The following SQSTM1 variants were observed in gnomAD, a reference collection of about 807,000 sequenced individuals.
SQSTM1 encodes sequestosome 1.
A neutral mutation model predicts 45.1 loss-of-function variants in SQSTM1; 36 were observed. The ratio of observed to expected loss-of-function variants is 0.80; its 90% CI spans 0.61 to 1.05. The LOEUF (loss-of-function observed/expected upper bound fraction) is 1.05, where lower values mean the gene tolerates loss of function less well. SQSTM1 is among the 50% of genes least tolerant of loss of function. The pLI, the probability that SQSTM1 is intolerant of heterozygous loss-of-function variation, is 0.00. For synonymous variants in SQSTM1, 290 were observed against 244.3 expected, an observed-to-expected ratio of 1.19 and a Z score of -1.74; for missense variants, 617 against 607.1, an observed-to-expected ratio of 1.02 and a Z score of -0.17.
At chr5:179,833,350 C>T (rs778470019) in intron 6 of SQSTM1, 104 bp downstream of exon 6, 38 of 1,172,638 alleles carry the variant, frequency 3.2e-5, no homozygotes, top group Admixed American at 6.0e-5. Flanking sequence ...CACTTACAAA[C>T]CCGAGGGAGC....
At chr5:179,818,845 T>G (rs1279278723), upstream of SQSTM1, 1 of 152,234 alleles carries the variant, frequency 6.6e-6, no homozygotes, top group Non-Finnish European at 1.5e-5. Context: ...TCCCTGGGCA[T>G]GCACGCCGGG....
chr5:179,836,165 G>A (rs921211326), intron 7 of SQSTM1: 2 of 570,432 alleles, frequency 3.5e-6, no homozygotes, highest in African/African-American at 3.7e-5. Flanking sequence ...GATGTGACAG[G>A]TGAAATGCCT....
chr5:179,834,405 A>ATTTT (rs1202476955), intron 7 of SQSTM1, among the ~76,000 whole-genome samples: 9 of 88,994 alleles, frequency 1.0e-4, no homozygotes, highest in East Asian at 8.8e-4. Flanking sequence ...AGTAGTTCTT[A>ATTTT]TTTTTGTTTA....
chr5:179,809,716 T>C (rs1355640133), intron 1 of SQSTM1, among the ~76,000 whole-genome samples: 1 of 144,222 alleles, frequency 6.9e-6, no homozygotes, highest in Non-Finnish European at 1.5e-5. Context: ...TGATCTGGGC[T>C]CACTGCAACC....
chr5:179,837,749 G>A lies in SQSTM1; in HGVS notation c.*1156G>A. ...GACAAATTGCGCCCATTTAGAGGATGTGGCTGTAACCTGCTGGATGGGACT... is the reference window on the plus strand; with the variant it reads ...GACAAATTGCGCCCATTTAGAGGATATGGCTGTAACCTGCTGGATGGGACT... On this transcript the variant is annotated 3_prime_UTR_variant, in exon 8 of 8. Coordinates refer to ENST00000389805, the MANE Select transcript of SQSTM1 (RefSeq NM_003900.5). The A allele has an allele frequency of 2.5e-6, 4 of 1,614,256 alleles. No individual in the cohort carries two copies. The highest frequency in any genetic ancestry group is 1.7e-6 in the Non-Finnish European group (2 of 1,180,042).
intron 1 of SQSTM1, among the ~76,000 whole-genome samples, chr5:179,810,088 A>AT (rs534873324): frequency 6.6e-5 from 10 of 151,614 alleles, no homozygotes; most frequent in African/African-American, 1.5e-4. Context: ...CGGGCCAACA[A>AT]TTTTTTTTTA....
chr5:179,815,816 C>G (rs1025161328), upstream of SQSTM1, among the ~76,000 whole-genome samples: 1 of 152,128 alleles, frequency 6.6e-6, no homozygotes, highest in African/African-American at 2.4e-5. Flanking sequence ...CAGATGACCC[C>G]ACGCCTTCTG....
chr5:179,817,436 G>A (rs567408450), upstream of SQSTM1, among the ~76,000 whole-genome samples: 50 of 152,302 alleles, frequency 3.3e-4, no homozygotes, highest in Middle Eastern at 0.014. Flanking sequence ...GAGGGCCCAG[G>A]GTCTCGCCCC....
At chr5:179,828,878 G>T (rs539691404) in intron 5 of SQSTM1, among the ~76,000 whole-genome samples, 1 of 152,342 alleles carries the variant, frequency 6.6e-6, no homozygotes, top group East Asian at 1.9e-4. Context: ...GATGTGATCA[G>T]ATTTTGGAAG....
rs372907317 is a variant in SQSTM1, at chr5:179,832,940, C to T, written c.755-92C>T. The T allele has an allele frequency of 1.5e-4, 191 of 1,285,114 alleles. No homozygotes were observed. In the African/African-American group the frequency reaches 1.8e-3, roughly 12 times the overall value. 79.6% of individuals were successfully genotyped at this position (1,285,114 alleles called of 1,614,324 possible). A position where few individuals can be genotyped will look rare whatever the true frequency, so the allele number is the denominator to read the frequency against. ...TGTGGGGACTGAACGTTGAGATCTTCGTGAGTCTGTAGTCTCCACAGGCCA... is the reference window on the plus strand; with the variant it reads ...TGTGGGGACTGAACGTTGAGATCTTTGTGAGTCTGTAGTCTCCACAGGCCA... On this transcript the variant is annotated intron_variant, in intron 5 of 7. Coordinates refer to ENST00000389805, the MANE Select transcript of SQSTM1 (RefSeq NM_003900.5).
At position 179,821,865 on chromosome 5, in the gene SQSTM1, G is replaced by C. The variant is rs544939574; in HGVS notation, c.205+724G>C. On this transcript the variant is annotated intron_variant, in intron 1 of 7. Coordinates refer to ENST00000389805, the MANE Select transcript of SQSTM1 (RefSeq NM_003900.5). ...GTTGTGGCCAGGAGGGCGGGAGGTG[G>C]CCAAGGCCGGCCCCTGGGAGGGTGC... Among the ~76,000 whole-genome samples the C allele has an allele frequency of 1.6e-4, 24 of 152,112 alleles. No homozygotes were observed. The South Asian group carries it at 2.3e-3, about 14-fold the overall frequency.
In SQSTM1 at chr5:179,822,762, C is replaced by A. The variant is rs560446195; in HGVS notation, c.206-196C>A. 4 of 660,916 alleles carry A rather than the reference C, an allele frequency of 6.1e-6. No individual in the cohort carries two copies. In the East Asian group the frequency reaches 1.2e-4, roughly 19 times the overall value. 40.9% of individuals were successfully genotyped at this position (660,916 alleles called of 1,614,324 possible). A position where few individuals can be genotyped will look rare whatever the true frequency, so the allele number is the denominator to read the frequency against. ...TGTGGCTGTGGTCCAGGGCCCAGGTCGGAGCACTCACCTTCCAGGAGGTGC... is the reference window on the plus strand; with the variant it reads ...TGTGGCTGTGGTCCAGGGCCCAGGTAGGAGCACTCACCTTCCAGGAGGTGC... On this transcript the variant is annotated intron_variant, in intron 1 of 7. Transcript: ENST00000389805.
intron 7 of SQSTM1, 107 bp from the exon 8 acceptor site, chr5:179,836,329 G>A (rs984943298): frequency 6.7e-7 from 1 of 1,497,668 alleles, no homozygotes; most frequent in Non-Finnish European, 9.3e-7. Context: ...GGCAGGCTCG[G>A]ACACTGGCAG....
intron 5 of SQSTM1, among the ~76,000 whole-genome samples, chr5:179,825,733 C>T (rs974039546): frequency 9.2e-5 from 14 of 152,290 alleles, no homozygotes; most frequent in Admixed American, 6.5e-4. Flanking sequence ...GGGTGACACC[C>T]GGTTCTGGTG....
chr5:179,817,947 A>G (rs1757632849), upstream of SQSTM1, among the ~76,000 whole-genome samples: 1 of 139,152 alleles, frequency 7.2e-6, no homozygotes, highest in Non-Finnish European at 1.5e-5. Flanking sequence ...CCTGGGAGGC[A>G]GAGGTTGCAG....
chr5:179,833,370 T>G (rs1758336513), intron 6 of SQSTM1, 124 bp downstream of exon 6: 2 of 1,060,798 alleles, frequency 1.9e-6, no homozygotes, highest in East Asian at 5.2e-5. Context: ...CTGCTGCTGC[T>G]GCAGTGATGT....
rs1453597031 is a variant in SQSTM1 at position 179,806,937 on chromosome 5, C to G, written c.-157+346C>G. Reference sequence around the variant, plus strand: ...TGGGCTGGGCGGCGAGAGCCGCGGCCCGGCCTGGATCTGGGGCCTGGATCT... The same window carrying G: ...TGGGCTGGGCGGCGAGAGCCGCGGCGCGGCCTGGATCTGGGGCCTGGATCT... On this transcript the variant is annotated intron_variant, in intron 1 of 5. Transcript: ENST00000514093. The surrounding 1 kb of genome is among the most constrained non-coding windows in gnomAD (Gnocchi z 4.6). 6.7e-6 allele frequency: 1 copy of G among 149,934 alleles called. No individual in the cohort carries two copies. Among genetic ancestry groups the G allele is most frequent in the South Asian group, 2.2e-4 (1 of 4,622 alleles). 9.3% of individuals were successfully genotyped at this position (149,934 alleles called of 1,614,324 possible). A position where few individuals can be genotyped will look rare whatever the true frequency, so the allele number is the denominator to read the frequency against.
intron 5 of SQSTM1, among the ~76,000 whole-genome samples, chr5:179,826,545 G>GT (rs1263840870): frequency 6.6e-6 from 1 of 151,378 alleles, no homozygotes; most frequent in Non-Finnish European, 1.5e-5. Flanking sequence ...CATGGCTTCT[G>GT]TACTAGAGTT....
intron 7 of SQSTM1, among the ~76,000 whole-genome samples, chr5:179,834,430 T>TA (rs4011593): frequency 2.8e-4 from 42 of 151,432 alleles, no homozygotes; most frequent in Non-Finnish European, 4.0e-4. Flanking sequence ...TTTATTTATT[T>TA]TTATTGATCA....
Sources: gnomAD v4.1 joint callset for allele counts (sites outside exome capture counted in the v4.1 genomes callset) on GRCh38, gnomAD v4.1.1 for gene constraint, Gnocchi (gnomAD v3.1) non-coding constraint, MANE v1.5 for transcripts, NCBI Gene and HGNC (gene_info 2026-07-23, HGNC 2026-07-21) for gene names.